Variants in CAPRIN2 observed in about 807,000 individuals in gnomAD.
The protein encoded by CAPRIN2 is caprin family member 2.
Under a neutral mutation model 130.4 loss-of-function variants are expected in CAPRIN2, and 66 were observed. The ratio of observed to expected loss-of-function variants is 0.51; its 90% CI spans 0.42 to 0.62. The LOEUF is 0.62. CAPRIN2 is among the 20% of genes least tolerant of loss of function. CAPRIN2 has a pLI of 0.00. For synonymous variants in CAPRIN2, 471 were observed against 444.1 expected, an observed-to-expected ratio of 1.06 and a Z score of -0.76; for missense variants, 1,185 against 1,246.6, an observed-to-expected ratio of 0.95 and a Z score of 0.74.
At chr12:30,726,185 AC>A in intron 8 of CAPRIN2, 97 bp from the exon 10 acceptor site, 1 of 1,039,076 alleles carries the variant, frequency 9.6e-7, no homozygotes. Context: ...AAAAGAAAAA[AC>A]AGCAATGTTC....
At chr12:30,714,977 A>C in exon 14 of CAPRIN2, 1 of 1,613,650 alleles carries the variant, frequency 6.2e-7, no homozygotes, top group Non-Finnish European at 8.5e-7. Flanking sequence ...CCACCAGGGG[A>C]CCGATAGGAA....
intron 11 of CAPRIN2, among the ~76,000 whole-genome samples, chr12:30,722,776 TA>T (rs2059780619): frequency 6.6e-6 from 1 of 151,986 alleles, no homozygotes; most frequent in African/African-American, 2.4e-5. Context: ...TGGCAGGCCC[TA>T]TAATCCCAGC....
intron 15 of CAPRIN2, among the ~76,000 whole-genome samples, 185 bp downstream of exon 17, chr12:30,713,600 C>T (rs2056192090): frequency 6.6e-6 from 1 of 152,190 alleles, no homozygotes; most frequent in African/African-American, 2.4e-5. Flanking sequence ...AAGCAATTAT[C>T]ATTTATCTTT....
chr12:30,710,637 G>C lies in CAPRIN2; in HGVS notation c.2666-167C>G. 9.9e-7 allele frequency: 1 copy of C among 1,010,090 alleles called. No homozygotes were observed. Among genetic ancestry groups the C allele is most frequent in the South Asian group, 1.8e-5 (1 of 57,094 alleles). 62.6% of individuals were successfully genotyped at this position (1,010,090 alleles called of 1,614,324 possible). A position where few individuals can be genotyped will look rare whatever the true frequency, so the allele number is the denominator to read the frequency against. On this transcript the variant is annotated intron_variant, in intron 16 of 16. Transcript: ENST00000298892. This position sits in a 1 kb window ranked among gnomAD's most constrained non-coding sequence, Gnocchi z 4.8. ...ACTTTTCTAGATTTTTCTGGTAATA[G>C]GTTTTTACATACTCTTCTAAAGCCA...
chr12:30,739,585 C>T lies in CAPRIN2; in HGVS notation c.570+1435G>A, dbSNP rs141502989. 1.9e-3 allele frequency among the ~76,000 whole-genome samples: 292 copies of T among 152,038 alleles called. 1 individual carries two copies. Among genetic ancestry groups the T allele is most frequent in the African/African-American group, 6.4e-3 (265 of 41,476 alleles). ...AAAAGTTTTCTTAAAAAGAATAAGTCGCGCATGTAATCCCAGCTACTTGGG... is the reference window on the plus strand; with the variant it reads ...AAAAGTTTTCTTAAAAAGAATAAGTTGCGCATGTAATCCCAGCTACTTGGG... On this transcript the variant is annotated intron_variant, in intron 3 of 16. Transcript: ENST00000298892.
exon 16 of CAPRIN2, chr12:30,711,602 C>T: frequency 6.2e-7 from 1 of 1,613,862 alleles, no homozygotes; most frequent in South Asian, 1.1e-5. Flanking sequence ...GATGTCCCTC[C>T]TCGCTTATAA....
chr12:30,723,437 GT>G, intron 10 of CAPRIN2, 123 bp from the exon 12 acceptor site: 1 of 651,340 alleles, frequency 1.5e-6, no homozygotes, highest in Non-Finnish European at 2.7e-6. Context: ...TACGTCTCAA[GT>G]TCATCATGCA....
chr12:30,730,768 C>T (rs1437678844), intron 6 of CAPRIN2, among the ~76,000 whole-genome samples: 3 of 152,122 alleles, frequency 2.0e-5, no homozygotes, highest in African/African-American at 7.2e-5. Flanking sequence ...AAAATGGTTT[C>T]GCTCTTGCTT....
chr12:30,751,448 G>C (rs2073817708), intron 1 of CAPRIN2: 1 of 249,148 alleles, frequency 4.0e-6, no homozygotes, highest in East Asian at 8.6e-5. Flanking sequence ...CCCCAACACA[G>C]TAGCTTCTCA....
intron 2 of CAPRIN2, among the ~76,000 whole-genome samples, chr12:30,750,349 A>G (rs1200803106): frequency 1.3e-5 from 2 of 152,208 alleles, no homozygotes; most frequent in Non-Finnish European, 2.9e-5. Flanking sequence ...ATTTTCAAAT[A>G]AATGTGTCCC....
At chr12:30,741,438 A>C (rs2067374995) in intron 2 of CAPRIN2, among the ~76,000 whole-genome samples, 1 of 152,170 alleles carries the variant, frequency 6.6e-6, no homozygotes, top group Non-Finnish European at 1.5e-5. Flanking sequence ...ATATTCATTC[A>C]CTACTCAAAC....
At chr12:30,744,954 A>C (rs758989707) in intron 2 of CAPRIN2, among the ~76,000 whole-genome samples, 1 of 152,232 alleles carries the variant, frequency 6.6e-6, no homozygotes, top group Non-Finnish European at 1.5e-5. Context: ...GAGCTGTTTC[A>C]AGAAAAAGAC....
chr12:30,711,469 T>TA (rs2054553034), intron 16 of CAPRIN2, 97 bp downstream of exon 18: 2 of 973,232 alleles, frequency 2.1e-6, no homozygotes, highest in African/African-American at 1.6e-5. Flanking sequence ...AGATAAATGC[T>TA]AAAAAGCAAT....
chr12:30,724,448 A>T (rs370136687), exon 10 of CAPRIN2: 3 of 1,600,242 alleles, frequency 1.9e-6, no homozygotes, highest in African/African-American at 2.7e-5. Context: ...TCAAGAACAG[A>T]CTCCTAAAGA....
intron 5 of CAPRIN2, among the ~76,000 whole-genome samples, chr12:30,732,918 T>G (rs1000222894): frequency 1.3e-5 from 2 of 152,164 alleles, no homozygotes; most frequent in African/African-American, 4.8e-5. Flanking sequence ...ACTGCCAAAC[T>G]ATTTTCTAAA....
intron 2 of CAPRIN2, among the ~76,000 whole-genome samples, chr12:30,741,685 T>A (rs974537643): frequency 2.6e-5 from 4 of 151,992 alleles, no homozygotes; most frequent in Admixed American, 2.6e-4. Context: ...TTAACTCAAA[T>A]CTATACGGAA....
At chr12:30,746,995 G>A (rs1022631679) in intron 2 of CAPRIN2, among the ~76,000 whole-genome samples, 10 of 152,144 alleles carry the variant, frequency 6.6e-5, no homozygotes, top group African/African-American at 1.2e-4. Context: ...GCCTGGCTTC[G>A]AAGCTTCAAA....
intron 12 of CAPRIN2, 70 bp downstream of exon 14, chr12:30,719,009 T>C: frequency 1.3e-6 from 2 of 1,505,322 alleles, no homozygotes; most frequent in Non-Finnish European, 1.8e-6. Context: ...TATCCAATAA[T>C]TATGTAAGAG....
intron 15 of CAPRIN2, chr12:30,711,930 T>G: frequency 2.0e-6 from 1 of 493,350 alleles, no homozygotes; most frequent in Non-Finnish European, 3.8e-6. Context: ...TGAGAGAAAT[T>G]TTTAAATGTG....
Sources: gnomAD v4.1 joint callset for allele counts (sites outside exome capture counted in the v4.1 genomes callset) on GRCh38, gnomAD v4.1.1 for gene constraint, Gnocchi (gnomAD v3.1) non-coding constraint, MANE v1.5 for transcripts, NCBI Gene and HGNC (gene_info 2026-07-23, HGNC 2026-07-21) for gene names.